Variants in DOK1 observed in about 807,000 individuals in gnomAD.
DOK1 encodes Downstream of tyrosine kinase 1.
Under a neutral mutation model 24.0 loss-of-function variants are expected in DOK1, and 12 were observed. The ratio of observed to expected loss-of-function variants is 0.50; its 90% CI spans 0.32 to 0.81. DOK1 has a LOEUF of 0.81. Among genes scored for constraint, DOK1 ranks in the 30% least tolerant of loss-of-function variants. The pLI, the probability that DOK1 is intolerant of heterozygous loss-of-function variation, is 0.03. For missense variants in DOK1, 591 were observed against 620.7 expected (o/e 0.95, Z 0.51); for synonymous variants, 250 against 260.9 (o/e 0.96, Z 0.40).
Position 74,554,776 on chromosome 2 carries a change from G to A in DOK1, c.22G>A (p.Gly8Arg), listed in dbSNP as rs1299363793. Residue 8 changes from glycine to arginine, a missense_variant, in exon 1 of 5, where the codon GGG becomes AGG. Gly to Arg is a moderately radical substitution (Grantham distance 125). Transcript: ENST00000233668. This position sits in a 1 kb window ranked among gnomAD's most constrained non-coding sequence, Gnocchi z 4.9. ...GGCCATGGACGGAGCAGTGATGGAA[G>A]GGCCGCTTTTTTTGCAGAGTCAGCG... MDGAVME[G>R]PLFLQSQRFG... The A allele has an allele frequency of 6.2e-7, 1 of 1,614,082 alleles. No individual in the cohort carries two copies. The highest frequency in any genetic ancestry group is 8.5e-7 in the Non-Finnish European group (1 of 1,180,020).
At chr2:74,551,413 T>C (rs1002520363), upstream of DOK1, among the ~76,000 whole-genome samples, 14 of 152,268 alleles carry the variant, frequency 9.2e-5, no homozygotes, top group African/African-American at 3.4e-4. Context: ...CTTGTGACTC[T>C]TCATGACTTT....
Position 74,555,464 on chromosome 2 carries a change from G to T in DOK1, c.360+11G>T. The T allele has an allele frequency of 1.2e-6, 2 of 1,607,900 alleles. No individual in the cohort carries two copies. The highest frequency in any genetic ancestry group is 1.7e-6 in the Non-Finnish European group (2 of 1,177,826). On this transcript the variant is annotated intron_variant, in intron 2 of 4. Transcript: ENST00000233668. This position sits in a 1 kb window ranked among gnomAD's most constrained non-coding sequence, Gnocchi z 6.1. ...CGAAACGCCTTTCCGGTGAGGAGCT[G>T]CGGCGATGCGGGGTGGGGGCAGTTA...
Position 74,549,622 on chromosome 2 carries a change from G to T in DOK1, c.-358+450G>T, listed in dbSNP as rs769277530. On this transcript the variant is annotated intron_variant, in intron 1 of 4. Transcript: ENST00000409429. This position sits in a 1 kb window ranked among gnomAD's most constrained non-coding sequence, Gnocchi z 5.3. The stretch of plus-strand genomic sequence containing the variant: ...CACAAGCAGGGAAAGAATCCCAGTG[G>T]CACCTTTCATGTGTCCCGCCGCCCT... 2.3e-5 allele frequency: 37 copies of T among 1,578,154 alleles called. No individual in the cohort carries two copies. Among genetic ancestry groups the T allele is most frequent in the Middle Eastern group, 1.7e-4 (1 of 5,930 alleles).
upstream of DOK1, among the ~76,000 whole-genome samples, chr2:74,551,968 TG>T (rs1677045366): frequency 2.0e-5 from 3 of 152,292 alleles, no homozygotes; most frequent in Non-Finnish European, 4.4e-5. Flanking sequence ...ATCATTTACC[TG>T]CTCTTAGCGT....
chr2:74,552,294 T>C (rs1182382676), upstream of DOK1: 1 of 1,576,830 alleles, frequency 6.3e-7, no homozygotes, highest in Non-Finnish European at 8.7e-7. Context: ...ATAGGAAATA[T>C]CTAGGATATG....
upstream of DOK1, chr2:74,550,324 C>G (rs1676923513): frequency 6.2e-7 from 1 of 1,613,830 alleles, no homozygotes; most frequent in East Asian, 2.2e-5. Flanking sequence ...CCCACTGCAG[C>G]TCAAGTTGTC....
Position 74,549,708 on chromosome 2 carries a change from G to A in DOK1, c.-358+536G>A. Reference sequence around the variant, plus strand: ...AGTGGCGGGATGGGCCCGAGGCGGCGCTGAGAGAGCGGCCACGATGGCCGC... The same window carrying A: ...AGTGGCGGGATGGGCCCGAGGCGGCACTGAGAGAGCGGCCACGATGGCCGC... On this transcript the variant is annotated intron_variant, in intron 1 of 4. Coordinates refer to the DOK1 transcript ENST00000409429. This position sits in a 1 kb window ranked among gnomAD's most constrained non-coding sequence, Gnocchi z 5.3. 1.4e-6 allele frequency: 2 copies of A among 1,446,642 alleles called. No individual in the cohort carries two copies. The highest frequency in any genetic ancestry group is 2.5e-5 in the East Asian group (1 of 39,826). The allele number at this position is 1,446,642 out of a possible 1,614,324, so 89.6% of individuals were successfully genotyped here. A position where few individuals can be genotyped will look rare whatever the true frequency, so the allele number is the denominator to read the frequency against.
upstream of DOK1, among the ~76,000 whole-genome samples, chr2:74,551,401 T>A (rs971089151): frequency 6.6e-5 from 10 of 152,252 alleles, no homozygotes; most frequent in African/African-American, 2.2e-4. Flanking sequence ...ACCATCAAAG[T>A]CCTTGTGACT....
chr2:74,554,461 G>A (rs889320724), upstream of DOK1: 11 of 491,706 alleles, frequency 2.2e-5, no homozygotes, highest in Admixed American at 1.1e-4. The surrounding 1 kb of genome is among the most constrained non-coding windows in gnomAD (Gnocchi z 4.9). Context: ...ATGACGTCAC[G>A]CGCAGCCACC....
chr2:74,555,149 C>T lies in DOK1; in HGVS notation c.61-5C>T, dbSNP rs1677340772. 1 of 1,609,720 alleles carries T rather than the reference C, an allele frequency of 6.2e-7. No individual in the cohort carries two copies. The highest frequency in any genetic ancestry group is 1.1e-5 in the South Asian group (1 of 90,794). Reference sequence around the variant, plus strand: ...CCCTCTCGAGCACTCTCTCTCTCTCCCTAGAGGTGGAGGAAGACCTGGGCC... The same window carrying T: ...CCCTCTCGAGCACTCTCTCTCTCTCTCTAGAGGTGGAGGAAGACCTGGGCC... On this transcript the variant is annotated splice_polypyrimidine_tract_variant and splice_region_variant and intron_variant, in intron 1 of 4. Coordinates refer to ENST00000233668, the MANE Select transcript of DOK1 (RefSeq NM_001381.5). This position sits in a 1 kb window ranked among gnomAD's most constrained non-coding sequence, Gnocchi z 6.1.
At position 74,554,771 on chromosome 2, in the gene DOK1, T is replaced by A. The variant is rs1677290412; in HGVS notation, c.17T>A (p.Met6Lys). ...CCGGGGGCCATGGACGGAGCAGTGA[T>A]GGAAGGGCCGCTTTTTTTGCAGAGT... MDGAV[M>K]EGPLFLQSQR... The change falls in exon 1 of 5, where the codon ATG (methionine) becomes AAG (lysine). Residue 6 changes from methionine to lysine, a missense_variant. Met to Lys is a moderately conservative substitution (Grantham distance 95). Coordinates refer to ENST00000233668, the MANE Select transcript of DOK1 (RefSeq NM_001381.5). This position sits in a 1 kb window ranked among gnomAD's most constrained non-coding sequence, Gnocchi z 4.9. The A allele has an allele frequency of 6.2e-7, 1 of 1,613,420 alleles. No individual in the cohort carries two copies. The highest frequency in any genetic ancestry group is 8.5e-7 in the Non-Finnish European group (1 of 1,179,676).
chr2:74,552,845 T>C (rs970833405), upstream of DOK1: 3 of 560,532 alleles, frequency 5.4e-6, no homozygotes, highest in African/African-American at 3.8e-5. Flanking sequence ...GCACAGGTCA[T>C]AGAGGCACAG....
chr2:74,557,150 A>G lies in DOK1; in HGVS notation c.*36A>G. Reference sequence around the variant, plus strand: ...AAGGCTGAGGTGGCTAAGGGGGACCATGGGGAGGTGGCACTAGGGATCAAA... The same window carrying G: ...AAGGCTGAGGTGGCTAAGGGGGACCGTGGGGAGGTGGCACTAGGGATCAAA... On this transcript the variant is annotated 3_prime_UTR_variant, in exon 5 of 5. Coordinates refer to ENST00000233668, the MANE Select transcript of DOK1 (RefSeq NM_001381.5). 2 of 1,571,122 alleles carry G rather than the reference A, an allele frequency of 1.3e-6. No homozygotes were observed.
chr2:74,557,000 C>G lies in DOK1; in HGVS notation c.1332C>G (p.His444Gln), dbSNP rs766071327. The G allele has an allele frequency of 3.1e-6, 5 of 1,614,222 alleles. No individual in the cohort carries two copies. Among genetic ancestry groups the G allele is most frequent in the Non-Finnish European group, 4.2e-6 (5 of 1,180,038 alleles). The change falls in exon 5 of 5, where the codon CAC becomes CAG. Residue 444 changes from histidine to glutamine, a missense_variant. By Grantham distance (24) the His-to-Gln change is conservative (BLOSUM62 0). Transcript: ENST00000233668. The surrounding 1 kb of genome is among the most constrained non-coding windows in gnomAD (Gnocchi z 4.1). ...CAACTGGCAGTGGCATCAAAAGCCACAACTCAGCCCTGTACAGCCAGGTCC... is the reference window on the plus strand; with the variant it reads ...CAACTGGCAGTGGCATCAAAAGCCAGAACTCAGCCCTGTACAGCCAGGTCC... The part of the protein sequence containing the change: ...GTATGSGIKS[H>Q]NSALYSQVQK...
Position 74,549,276 on chromosome 2 carries a change from C to T in DOK1, c.-358+104C>T. ...GCGCGTCCCGACCCCCGGGTCCTCC[C>T]GTGCCCCGGACCTGCTCAGATGTCT... On this transcript the variant is annotated intron_variant, in intron 1 of 4. Coordinates refer to the DOK1 transcript ENST00000409429. The surrounding 1 kb of genome is among the most constrained non-coding windows in gnomAD (Gnocchi z 5.3). 1.5e-6 allele frequency: 2 copies of T among 1,369,342 alleles called. No individual in the cohort carries two copies. The highest frequency in any genetic ancestry group is 2.9e-5 in the Admixed American group (1 of 33,976). The allele number at this position is 1,369,342 out of a possible 1,614,324, so 84.8% of individuals were successfully genotyped here.
At chr2:74,552,307 T>G (rs1163926242), upstream of DOK1, 4 of 1,588,526 alleles carry the variant, frequency 2.5e-6, no homozygotes, top group Non-Finnish European at 3.4e-6. Context: ...AGGATATGCC[T>G]GGATCATTGC....
chr2:74,549,857 A>G (rs1213525542), upstream of DOK1: 2 of 985,330 alleles, frequency 2.0e-6, no homozygotes, highest in Non-Finnish European at 2.4e-6. The surrounding 1 kb of genome is among the most constrained non-coding windows in gnomAD (Gnocchi z 5.3). Context: ...CACTTCAAAA[A>G]GGAAATGGCT....
chr2:74,549,700 G>A lies in DOK1; in HGVS notation c.-358+528G>A, dbSNP rs1244685160. 1.4e-6 allele frequency: 2 copies of A among 1,449,660 alleles called. No homozygotes were observed. Among genetic ancestry groups the A allele is most frequent in the East Asian group, 2.5e-5 (1 of 39,918 alleles). 89.8% of individuals were successfully genotyped at this position (1,449,660 alleles called of 1,614,324 possible). ...GTAAACCCAGTGGCGGGATGGGCCC[G>A]AGGCGGCGCTGAGAGAGCGGCCACG... On this transcript the variant is annotated intron_variant, in intron 1 of 4. Coordinates refer to the DOK1 transcript ENST00000409429. The surrounding 1 kb of genome is among the most constrained non-coding windows in gnomAD (Gnocchi z 5.3).
At chr2:74,552,785 GC>G, upstream of DOK1, 1 of 733,778 alleles carries the variant, frequency 1.4e-6, no homozygotes, top group Non-Finnish European at 2.2e-6. Context: ...GAGAGAAAGA[GC>G]CCCAGGGACC....
Sources: gnomAD v4.1 joint callset for allele counts (sites outside exome capture counted in the v4.1 genomes callset) on GRCh38, gnomAD v4.1.1 for gene constraint, Gnocchi (gnomAD v3.1) non-coding constraint, MANE v1.5 for transcripts, NCBI Gene and HGNC (gene_info 2026-07-23, HGNC 2026-07-21) for gene names.